COA7: variants seen among roughly 807,000 people sequenced by gnomAD.
COA7 encodes the protein Sel1 repeat containing 1.
COA7 carries 12 observed loss-of-function variants against 21.0 expected under a neutral mutation model. The observed-to-expected ratio is 0.57, with a 90% confidence interval of 0.37 to 0.92. The LOEUF is 0.92. Ranked by LOEUF, COA7 falls within the 40% of genes least tolerant of loss-of-function variation. The pLI, the probability that COA7 is intolerant of heterozygous loss-of-function variation, is 0.01. For synonymous variants in COA7, 95 were observed against 107.4 expected, an observed-to-expected ratio of 0.88 and a Z score of 0.72; for missense variants, 240 against 286.1, an observed-to-expected ratio of 0.84 and a Z score of 1.16.
Position 52,692,811 on chromosome 1 carries a change from C to T in COA7, c.163G>A (p.Ala55Thr). The T allele has an allele frequency of 6.2e-7, 1 of 1,614,156 alleles. No individual in the cohort carries two copies. Among genetic ancestry groups the T allele is most frequent in the Non-Finnish European group, 8.5e-7 (1 of 1,180,024 alleles). Residue 55 changes from alanine to threonine, a missense_variant, in exon 2 of 3, where the codon GCC becomes ACC. By Grantham distance (58) the Ala-to-Thr change is moderately conservative. Around this residue, in one of 3 missense-constraint regions of COA7, gnomAD observed 6 missense variants for 17.3 expected, o/e 0.35. Coordinates refer to ENST00000371538, the MANE Select transcript of COA7 (RefSeq NM_023077.3). ...EGIRKNFDEA[A>T]KVLKFNCEEN... ...TCACAGTTAAACTTCAACACCTTGGCAGCCTCATCAAAATTCTTCCGGATC... is the reference window on the plus strand; with the variant it reads ...TCACAGTTAAACTTCAACACCTTGGTAGCCTCATCAAAATTCTTCCGGATC...
At position 52,695,929 on chromosome 1, in the gene COA7, T is replaced by G. The variant is rs528670270; in HGVS notation, c.106+2292A>C. Among the ~76,000 whole-genome samples the G allele has an allele frequency of 5.9e-5, 9 of 152,322 alleles. No homozygotes were observed. In the East Asian group the frequency reaches 1.7e-3, roughly 29 times the overall value. ...GCCTACAGAGCAAAGTCTATATTCC[T>G]TACCCTGGCATTCAAGCCCTGACAT... On this transcript the variant is annotated intron_variant, in intron 1 of 2. Transcript: ENST00000371538.
intron 1 of COA7, 167 bp downstream of exon 1, chr1:52,698,054 T>C: frequency 1.7e-6 from 1 of 590,618 alleles, no homozygotes; most frequent in Non-Finnish European, 3.0e-6. Flanking sequence ...TGGCTCGGTC[T>C]TCCCGGGACA....
In COA7 at chr1:52,686,447, C is replaced by T. The variant is rs1644003956; in HGVS notation, c.*1273G>A. The T allele has an allele frequency of 7.0e-6, 1 of 141,998 alleles. No individual in the cohort carries two copies. Among genetic ancestry groups the T allele is most frequent in the Non-Finnish European group, 1.6e-5 (1 of 63,318 alleles). The allele number at this position is 141,998 out of a possible 1,614,324, so 8.8% of individuals were successfully genotyped here. A position where few individuals can be genotyped will look rare whatever the true frequency, so the allele number is the denominator to read the frequency against. On this transcript the variant is annotated 3_prime_UTR_variant, in exon 3 of 3. Transcript: ENST00000371538. The stretch of plus-strand genomic sequence containing the variant: ...CAAGCTGGGGAGACAACAGAAAAAG[C>T]AAATTTTTTTTTTTTTTTGAGACGG...
At chr1:52,692,934 T>C in intron 1 of COA7, 67 bp from the exon 2 acceptor site, 1 of 1,576,452 alleles carries the variant, frequency 6.3e-7, no homozygotes, top group Non-Finnish European at 8.7e-7. Flanking sequence ...GACTTGGGGG[T>C]AGGGGGTGCC....
intron 1 of COA7, 43 bp downstream of exon 1, chr1:52,698,178 G>C (rs774997553): frequency 7.1e-7 from 1 of 1,407,764 alleles, no homozygotes; most frequent in South Asian, 1.2e-5. Context: ...CTCCGGGCAC[G>C]TCCCTCCCCG....
At position 52,698,289 on chromosome 1, in the gene COA7, A is replaced by G; in HGVS notation, c.38T>C (p.Val13Ala). Residue 13 changes from valine to alanine, a missense_variant, in exon 1 of 3, where the codon GTC (valine) becomes GCC (alanine). By Grantham distance (64) the Val-to-Ala change is moderately conservative. This residue lies in a region of COA7 where 71 missense variants were observed against 54.7 expected (regional missense o/e 1.30). Coordinates refer to ENST00000371538, the MANE Select transcript of COA7 (RefSeq NM_023077.3). ...GMVDFQDEEQ[V>A]KSFLENMEVE... ...CTCCATGTTCTCCAAAAAGGACTTG[A>G]CCTGCTCCTCATCCTGGAAGTCCAC... 6.2e-7 allele frequency: 1 copy of G among 1,612,616 alleles called. No individual in the cohort carries two copies. Among genetic ancestry groups the G allele is most frequent in the South Asian group, 1.1e-5 (1 of 91,062 alleles).
At position 52,698,332 on chromosome 1, in the gene COA7, G is replaced by A. The variant is rs772934047; in HGVS notation, c.-6C>T. On this transcript the variant is annotated 5_prime_UTR_variant, in exon 1 of 3. Coordinates refer to ENST00000371538, the MANE Select transcript of COA7 (RefSeq NM_023077.3). ...AAGTCCACCATGCCGGCCATGGTTCGCGCCGGCCCAAAGACGGTCACGTGA... is the reference window on the plus strand; with the variant it reads ...AAGTCCACCATGCCGGCCATGGTTCACGCCGGCCCAAAGACGGTCACGTGA... The A allele has an allele frequency of 6.7e-5, 107 of 1,605,630 alleles. No homozygotes were observed. Among genetic ancestry groups the A allele is most frequent in the Non-Finnish European group, 8.9e-5 (105 of 1,176,538 alleles).
intron 1 of COA7, among the ~76,000 whole-genome samples, chr1:52,695,786 C>G (rs761700700): frequency 6.6e-6 from 1 of 152,176 alleles, no homozygotes; most frequent in African/African-American, 2.4e-5. Context: ...CTACACCAGT[C>G]GCTACGGTAA....
At chr1:52,691,020 G>A (rs548412886) in intron 2 of COA7, among the ~76,000 whole-genome samples, 1 of 152,170 alleles carries the variant, frequency 6.6e-6, no homozygotes, top group South Asian at 2.1e-4. Flanking sequence ...TGAGGCAGGA[G>A]AATCACTTGA....
At chr1:52,698,098 T>C in intron 1 of COA7, 123 bp downstream of exon 1, 1 of 726,992 alleles carries the variant, frequency 1.4e-6, no homozygotes, top group East Asian at 2.7e-5. Flanking sequence ...GTCACCGCGA[T>C]CCACAGACCC....
At position 52,686,221 on chromosome 1, in the gene COA7, T is replaced by G. The variant is rs1442913356; in HGVS notation, c.*1499A>C. 1 of 152,126 alleles carries G rather than the reference T, an allele frequency of 6.6e-6. No individual in the cohort carries two copies. Among genetic ancestry groups the G allele is most frequent in the Admixed American group, 6.6e-5 (1 of 15,254 alleles). 9.4% of individuals were successfully genotyped at this position (152,126 alleles called of 1,614,324 possible). On this transcript the variant is annotated 3_prime_UTR_variant, in exon 3 of 3. Transcript: ENST00000371538. ...TTACATTTTTAAAAAGTGAATTTGA[T>G]GTCTTTTGAAATCTCCTCTGTGCAC...
At chr1:52,691,081 C>T (rs1170026623) in intron 2 of COA7, among the ~76,000 whole-genome samples, 1 of 151,130 alleles carries the variant, frequency 6.6e-6, no homozygotes, top group Non-Finnish European at 1.5e-5. Flanking sequence ...CCAGCCTGGG[C>T]GACAGAGTGG....
At position 52,687,661 on chromosome 1, in the gene COA7, C is replaced by T. The variant is rs1024152279; in HGVS notation, c.*59G>A. 9 of 1,542,346 alleles carry T rather than the reference C, an allele frequency of 5.8e-6. No homozygotes were observed. The Admixed American group carries it at 1.5e-4, about 25-fold the overall frequency. On this transcript the variant is annotated 3_prime_UTR_variant, in exon 3 of 3. Coordinates refer to ENST00000371538, the MANE Select transcript of COA7 (RefSeq NM_023077.3). The stretch of plus-strand genomic sequence containing the variant: ...GACCTTCAAGGGCTGCATCAGTCTT[C>T]AGAAACAGGAGCTGCCAGCCTCAAG...
At position 52,687,714 on chromosome 1, in the gene COA7, A is replaced by G; in HGVS notation, c.*6T>C. On this transcript the variant is annotated 3_prime_UTR_variant, in exon 3 of 3. Coordinates refer to ENST00000371538, the MANE Select transcript of COA7 (RefSeq NM_023077.3). Reference sequence around the variant, plus strand: ...GTTTGTTGCCTGGGAGGGAGGGTGGACCACATTACCCAAATGTTAAGGGTT... The same window carrying G: ...GTTTGTTGCCTGGGAGGGAGGGTGGGCCACATTACCCAAATGTTAAGGGTT... 6.2e-7 allele frequency: 1 copy of G among 1,610,512 alleles called. No individual in the cohort carries two copies. The highest frequency in any genetic ancestry group is 2.2e-5 in the East Asian group (1 of 44,798).
At chr1:52,692,953 G>T in intron 1 of COA7, 86 bp from the exon 2 acceptor site, 1 of 1,451,454 alleles carries the variant, frequency 6.9e-7, no homozygotes, top group Non-Finnish European at 9.5e-7. Context: ...CCCAGGTGTG[G>T]CAGGCCAGGT....
chr1:52,692,914 T>C (rs1359601606), intron 1 of COA7, 47 bp from the exon 2 acceptor site: 3 of 1,609,976 alleles, frequency 1.9e-6, no homozygotes, highest in Non-Finnish European at 2.5e-6. Flanking sequence ...GGGCTGCTGC[T>C]CGCAGTGGGG....
intron 1 of COA7, among the ~76,000 whole-genome samples, chr1:52,697,073 T>C: frequency 6.6e-6 from 1 of 151,888 alleles, no homozygotes; most frequent in South Asian, 2.1e-4. Context: ...CGAGCCATTG[T>C]ACTCCAGCCT....
chr1:52,685,177 T>C lies in COA7; in HGVS notation c.*2543A>G, dbSNP rs1279905740. ...TCACATGGTAAGAGCTTACCTAGTT[T>C]TTGTAAGAAACTGCTTAACTGTCTT... On this transcript the variant is annotated 3_prime_UTR_variant, in exon 3 of 3. Transcript: ENST00000371538. 1 of 152,236 alleles carries C rather than the reference T, an allele frequency of 6.6e-6. No homozygotes were observed. The highest frequency in any genetic ancestry group is 1.5e-5 in the Non-Finnish European group (1 of 68,044). 9.4% of individuals were successfully genotyped at this position (152,236 alleles called of 1,614,324 possible).
At position 52,688,331 on chromosome 1, in the gene COA7, C is replaced by A. The variant is rs375458264; in HGVS notation, c.248-163G>T. Among the ~76,000 whole-genome samples the A allele has an allele frequency of 1.3e-4, 19 of 151,850 alleles. No homozygotes were observed. The East Asian group carries it at 2.5e-3, about 20-fold the overall frequency. ...TGATCACGGCTCACTGCAGCCTCAA[C>A]CTCCGGCTAAAGCAATCTTCCCATC... On this transcript the variant is annotated intron_variant, in intron 2 of 2. Transcript: ENST00000371538.
Sources: gnomAD v4.1 joint callset for allele counts (sites outside exome capture counted in the v4.1 genomes callset) on GRCh38, gnomAD v4.1.1 for gene constraint, gnomAD v4.1.1 regional missense constraint, MANE v1.5 for transcripts, NCBI Gene and HGNC (gene_info 2026-07-23, HGNC 2026-07-21) for gene names.